The following CCDC57 variants were observed in gnomAD, a reference collection of about 807,000 sequenced individuals.
CCDC57 encodes coiled-coil domain-containing protein 57.
In CCDC57, 118 loss-of-function variants were observed where a neutral mutation model predicts 118.9. The ratio of observed to expected loss-of-function variants is 0.99; its 90% CI spans 0.86 to 1.16. The LOEUF (loss-of-function observed/expected upper bound fraction) is 1.16, where lower values mean the gene tolerates loss of function less well. Ranked by LOEUF, CCDC57 falls within the 50% of genes most tolerant of loss-of-function variation. CCDC57 has a pLI of 0.00. For missense variants in CCDC57, 1,300 were observed against 1,320.7 expected (o/e 0.98, Z 0.24); for synonymous variants, 527 against 532.9 (o/e 0.99, Z 0.15).
intron 3 of CCDC57, among the ~76,000 whole-genome samples, chr17:82,200,131 A>G (rs1599431303): frequency 6.6e-6 from 1 of 152,320 alleles, no homozygotes; most frequent in East Asian, 1.9e-4. Flanking sequence ...GACCTGCCGC[A>G]GAAGGTCTCT....
At chr17:82,135,467 T>C (rs140657768) in intron 16 of CCDC57, 215 of 152,304 alleles carry the variant, frequency 1.4e-3, no homozygotes, top group African/African-American at 4.9e-3. Context: ...ACATATTGCT[T>C]ATGATCAACA....
At chr17:82,161,768 T>C (rs1160985104) in intron 14 of CCDC57, among the ~76,000 whole-genome samples, 2 of 152,150 alleles carry the variant, frequency 1.3e-5, no homozygotes, top group African/African-American at 4.8e-5. Context: ...TGTGTGGTTA[T>C]TGTACCGAGC....
In CCDC57 at chr17:82,196,234, A is replaced by G. The variant is rs571537697; in HGVS notation, c.517-870T>C. 2.6e-5 allele frequency among the ~76,000 whole-genome samples: 4 copies of G among 152,374 alleles called. No homozygotes were observed. The East Asian group carries it at 7.7e-4, about 29-fold the overall frequency. On this transcript the variant is annotated intron_variant, in intron 4 of 19. Transcript: ENST00000665763. ...CTTCTTTGGAAGTGACTTTGGAGCC[A>G]CTTGAGGAAGCCTCACTACTTAGAA...
At chr17:82,198,992 CAAAAAA>C in intron 3 of CCDC57, among the ~76,000 whole-genome samples, 1 of 87,588 alleles carries the variant, frequency 1.1e-5, no homozygotes, top group African/African-American at 4.3e-5. Context: ...GACTCCATCT[CAAAAAA>C]AAAAAAAAAA....
intron 9 of CCDC57, among the ~76,000 whole-genome samples, chr17:82,183,066 C>G (rs576229113): frequency 2.2e-4 from 33 of 152,322 alleles, no homozygotes; most frequent in Admixed American, 6.5e-4. Context: ...GAGCCAATCA[C>G]CTCCCATCAG....
intron 16 of CCDC57, chr17:82,145,933 C>G: frequency 2.9e-6 from 1 of 341,130 alleles, no homozygotes. Flanking sequence ...CCGGCACCTC[C>G]CCCCACAGCC....
rs148774569 is a variant in CCDC57, at chr17:82,144,783, G to A, written c.2455+6777C>T. Among the ~76,000 whole-genome samples, 979 of 152,140 alleles carry A rather than the reference G, an allele frequency of 6.4e-3. 5 individuals carry two copies. The highest frequency in any genetic ancestry group is 0.01 in the Middle Eastern group (3 of 294). On this transcript the variant is annotated intron_variant, in intron 16 of 19. Coordinates refer to ENST00000665763, the Ensembl canonical transcript of CCDC57. ...ACATATGCCTAATAAAGAGTATTGAGTCAGCTGCCAACTATTGGGAAACAA... is the reference window on the plus strand; with the variant it reads ...ACATATGCCTAATAAAGAGTATTGAATCAGCTGCCAACTATTGGGAAACAA...
intron 16 of CCDC57, among the ~76,000 whole-genome samples, chr17:82,148,489 A>G (rs1598911981): frequency 4.7e-5 from 3 of 63,856 alleles, no homozygotes; most frequent in Non-Finnish European, 8.6e-5. Context: ...GGGTGGATGG[A>G]TGGGTGGGTG....
chr17:82,103,929 A>T (rs1403718999), intron 19 of CCDC57, among the ~76,000 whole-genome samples: 10 of 152,034 alleles, frequency 6.6e-5, no homozygotes, highest in African/African-American at 2.2e-4. Context: ...TGGTTTCTTC[A>T]CTGGTCCTTT....
chr17:82,143,669 C>T (rs1027353752), intron 16 of CCDC57, among the ~76,000 whole-genome samples: 1 of 152,124 alleles, frequency 6.6e-6, no homozygotes, highest in Non-Finnish European at 1.5e-5. Context: ...AAACAACCAG[C>T]CAACCAACCT....
At chr17:82,116,350 G>A (rs1317073341) in intron 19 of CCDC57, among the ~76,000 whole-genome samples, 1 of 151,978 alleles carries the variant, frequency 6.6e-6, no homozygotes, top group Admixed American at 6.6e-5. Flanking sequence ...CCCACCCACA[G>A]GGTGCATGGC....
At chr17:82,195,188 T>C (rs2048151373) in intron 5 of CCDC57, 75 bp downstream of exon 4, 2 of 1,061,854 alleles carry the variant, frequency 1.9e-6, no homozygotes, top group African/African-American at 1.6e-5. Flanking sequence ...AGTGCTGAGA[T>C]GACAGGTGTG....
chr17:82,186,709 G>C (rs1340256455), intron 8 of CCDC57, among the ~76,000 whole-genome samples: 1 of 151,816 alleles, frequency 6.6e-6, no homozygotes, highest in Non-Finnish European at 1.5e-5. Context: ...TGGGAGGTCA[G>C]TGTGGGAGGA....
rs1177260695 is a variant in CCDC57, at chr17:82,212,416, T to C, written c.-211+369A>G. 6.9e-6 allele frequency among the ~76,000 whole-genome samples: 1 copy of C among 145,032 alleles called. No homozygotes were observed. The highest frequency in any genetic ancestry group is 2.5e-5 in the African/African-American group (1 of 39,744). ...TCCTCTCTTTTTTTTTTTTTTTTTT[T>C]AAACTCACAGACACTGTAAGGCTGC... On this transcript the variant is annotated intron_variant, in intron 1 of 19. Transcript: ENST00000665763. The surrounding 1 kb of genome is among the most constrained non-coding windows in gnomAD (Gnocchi z 4.1).
intron 16 of CCDC57, among the ~76,000 whole-genome samples, chr17:82,143,943 CAAAA>C (rs60893321): frequency 5.0e-5 from 6 of 120,922 alleles, no homozygotes; most frequent in South Asian, 2.5e-4. Flanking sequence ...ACTAAAAATA[CAAAA>C]AAAAAAAAAA....
chr17:82,111,481 C>T (rs528101966), intron 19 of CCDC57, among the ~76,000 whole-genome samples: 6 of 150,034 alleles, frequency 4.0e-5, no homozygotes, highest in South Asian at 4.3e-4. Flanking sequence ...CGGGCTCAAA[C>T]GATACTCCTG....
chr17:82,162,460 G>A (rs1421879092), intron 14 of CCDC57, among the ~76,000 whole-genome samples: 1 of 152,228 alleles, frequency 6.6e-6, no homozygotes, highest in Non-Finnish European at 1.5e-5. Context: ...CAAAAGGCAA[G>A]GGCCCAGGAG....
At chr17:82,147,686 T>G (rs1465668925) in intron 16 of CCDC57, among the ~76,000 whole-genome samples, 1 of 128,178 alleles carries the variant, frequency 7.8e-6, no homozygotes, top group Non-Finnish European at 1.6e-5. Context: ...AATGGATGAA[T>G]GGGTGGGTGG....
chr17:82,106,045 G>A (rs546209402), intron 19 of CCDC57, among the ~76,000 whole-genome samples: 3 of 152,338 alleles, frequency 2.0e-5, no homozygotes, highest in Admixed American at 2.0e-4. Flanking sequence ...ACCTCCTCTG[G>A]GCGCCTGTGG....
Sources: gnomAD v4.1 joint callset for allele counts (sites outside exome capture counted in the v4.1 genomes callset) on GRCh38, gnomAD v4.1.1 for gene constraint, Gnocchi (gnomAD v3.1) non-coding constraint, MANE v1.5 for transcripts, NCBI Gene and HGNC (gene_info 2026-07-23, HGNC 2026-07-21) for gene names.